Variants in RAD51B observed in about 807,000 individuals in gnomAD.
RAD51B encodes the protein DNA repair protein RAD51 homolog 2.
Under a neutral mutation model 42.2 loss-of-function variants are expected in RAD51B, and 38 were observed. The observed-to-expected ratio is 0.90, with a 90% confidence interval of 0.70 to 1.18. The LOEUF is 1.18. Among genes scored for constraint, RAD51B ranks in the 50% most tolerant of loss-of-function variants. RAD51B has a pLI of 0.00. For missense variants in RAD51B, 373 were observed against 400.7 expected (o/e 0.93, Z 0.59); for synonymous variants, 154 against 145.2 (o/e 1.06, Z -0.43).
chr14:68,546,502 A>T (rs1043514522), intron 10 of RAD51B, among the ~76,000 whole-genome samples: 1 of 152,252 alleles, frequency 6.6e-6, no homozygotes, highest in Non-Finnish European at 1.5e-5. Context: ...TGAGACAACC[A>T]TAGAATGTTC....
chr14:68,167,167 A>T (rs1030525181), intron 7 of RAD51B, among the ~76,000 whole-genome samples: 10 of 152,116 alleles, frequency 6.6e-5, no homozygotes, highest in Non-Finnish European at 5.9e-5. Context: ...TATATTGGTT[A>T]TTGAAATCTT....
intron 10 of RAD51B, among the ~76,000 whole-genome samples, chr14:68,553,015 A>G (rs1888656090): frequency 6.6e-6 from 1 of 152,278 alleles, no homozygotes; most frequent in Non-Finnish European, 1.5e-5. Context: ...TCATACTCTC[A>G]TCATCAGAAG....
intron 7 of RAD51B, among the ~76,000 whole-genome samples, chr14:67,982,061 C>T (rs1459213132): frequency 6.6e-6 from 1 of 152,130 alleles, no homozygotes; most frequent in Non-Finnish European, 1.5e-5. Context: ...CTCAGCCTCC[C>T]AAGTAGCTGG....
chr14:67,940,023 C>CATGTATAT, intron 7 of RAD51B, among the ~76,000 whole-genome samples: 1 of 34,336 alleles, frequency 2.9e-5, no homozygotes, highest in East Asian at 1.6e-3. Context: ...TTGATAGATG[C>CATGTATAT]ATATATATAT....
intron 8 of RAD51B, among the ~76,000 whole-genome samples, chr14:68,353,696 C>T (rs1006845107): frequency 3.9e-5 from 6 of 152,078 alleles, no homozygotes; most frequent in Non-Finnish European, 1.5e-5. Flanking sequence ...CAGAGCCGGG[C>T]GTTGGGGTTG....
At chr14:68,116,346 T>TAAAAAAA (rs59572940) in intron 7 of RAD51B, among the ~76,000 whole-genome samples, 3 of 135,264 alleles carry the variant, frequency 2.2e-5, no homozygotes, top group African/African-American at 5.3e-5. Flanking sequence ...TTTAAAAGGT[T>TAAAAAAA]AAAAAAAAAA....
At chr14:68,364,464 T>C (rs1003815896) in intron 8 of RAD51B, among the ~76,000 whole-genome samples, 2 of 152,178 alleles carry the variant, frequency 1.3e-5, no homozygotes, top group Non-Finnish European at 2.9e-5. Context: ...CTTCCCGCTG[T>C]GCCTGGAGGG....
intron 11 of RAD51B, among the ~76,000 whole-genome samples, chr14:68,673,645 C>T (rs1163200878): frequency 2.0e-5 from 3 of 151,602 alleles, no homozygotes; most frequent in South Asian, 2.1e-4. Flanking sequence ...CATATGTATA[C>T]ATGCACACAC....
At chr14:68,449,906 A>C (rs1321058766) in intron 9 of RAD51B, among the ~76,000 whole-genome samples, 1 of 152,298 alleles carries the variant, frequency 6.6e-6, no homozygotes, top group South Asian at 2.1e-4. Flanking sequence ...AAGAAAACTC[A>C]TGTGGGCTCT....
At chr14:68,444,805 TG>T (rs1353036695) in intron 9 of RAD51B, among the ~76,000 whole-genome samples, 1 of 152,164 alleles carries the variant, frequency 6.6e-6, no homozygotes, top group Non-Finnish European at 1.5e-5. Flanking sequence ...TTTCTGGTGA[TG>T]GGGGGGCATA....
intron 8 of RAD51B, among the ~76,000 whole-genome samples, chr14:68,309,125 T>C (rs1381055512): frequency 6.6e-6 from 1 of 152,200 alleles, no homozygotes; most frequent in Non-Finnish European, 1.5e-5. Context: ...TGTTAGCAGA[T>C]TTTTTTCACG....
intron 8 of RAD51B, among the ~76,000 whole-genome samples, chr14:68,384,176 T>C (rs2083541380): frequency 6.6e-6 from 1 of 152,272 alleles, no homozygotes; most frequent in Non-Finnish European, 1.5e-5. Context: ...AATTTTTTTC[T>C]TATGATCTCA....
intron 8 of RAD51B, among the ~76,000 whole-genome samples, chr14:68,359,350 C>T (rs1270406090): frequency 6.6e-6 from 1 of 152,054 alleles, no homozygotes; most frequent in Non-Finnish European, 1.5e-5. Flanking sequence ...TGATTGGATT[C>T]CTTTAGCTCA....
intron 7 of RAD51B, among the ~76,000 whole-genome samples, chr14:68,081,991 T>C (rs1433449521): frequency 1.3e-5 from 2 of 152,106 alleles, no homozygotes; most frequent in Non-Finnish European, 2.9e-5. Flanking sequence ...GACAGAGTCT[T>C]GCTCTGTTGC....
chr14:68,638,236 G>T (rs1305884669), intron 10 of RAD51B, among the ~76,000 whole-genome samples: 2 of 152,200 alleles, frequency 1.3e-5, no homozygotes, highest in African/African-American at 4.8e-5. Context: ...TGAGACTGGG[G>T]GACTGGAGGA....
At chr14:68,135,669 C>T (rs17105024) in intron 7 of RAD51B, among the ~76,000 whole-genome samples, 1 of 152,178 alleles carries the variant, frequency 6.6e-6, no homozygotes, top group Non-Finnish European at 1.5e-5. Context: ...ATCCAAAACG[C>T]AACATGTCCA....
At chr14:68,646,205 G>A (rs371266299) in intron 10 of RAD51B, among the ~76,000 whole-genome samples, 4 of 152,160 alleles carry the variant, frequency 2.6e-5, no homozygotes, top group Non-Finnish European at 5.9e-5. Context: ...CTAGTGCCAG[G>A]TTCCTCTCCA....
At chr14:67,830,754 T>C (rs138912658) in intron 3 of RAD51B, among the ~76,000 whole-genome samples, 3 of 152,160 alleles carry the variant, frequency 2.0e-5, no homozygotes, top group African/African-American at 7.2e-5. Flanking sequence ...GGTGGTGAAG[T>C]ATAGGAAAAT....
chr14:67,995,626 T>TC (rs1401656988), intron 7 of RAD51B, among the ~76,000 whole-genome samples: 4 of 150,948 alleles, frequency 2.6e-5, no homozygotes, highest in Non-Finnish European at 5.9e-5. Flanking sequence ...TTTTTTTTTT[T>TC]CTTTTGAGAC....
Sources: gnomAD v4.1 joint callset for allele counts (sites outside exome capture counted in the v4.1 genomes callset) on GRCh38, gnomAD v4.1.1 for gene constraint, MANE v1.5 for transcripts, NCBI Gene and HGNC (gene_info 2026-07-23, HGNC 2026-07-21) for gene names.